The following MCF2L2 variants were observed in gnomAD, a reference collection of about 807,000 sequenced individuals.
The protein encoded by MCF2L2 is probable guanine nucleotide exchange factor MCF2L2.
In MCF2L2, 102 loss-of-function variants were observed where a neutral mutation model predicts 150.2. The ratio of observed to expected loss-of-function variants is 0.68; its 90% confidence interval spans 0.58 to 0.80. The LOEUF is 0.80. Ranked by LOEUF, MCF2L2 falls within the 30% of genes least tolerant of loss-of-function variation. The pLI is 0.00. For missense variants in MCF2L2, 1,256 were observed against 1,372.8 expected (o/e 0.91, Z 1.34); for synonymous variants, 465 against 491.3 (o/e 0.95, Z 0.71).
intron 2 of MCF2L2, among the ~76,000 whole-genome samples, chr3:183,385,750 C>T (rs1713792848): frequency 6.6e-6 from 1 of 152,228 alleles, no homozygotes; most frequent in South Asian, 2.1e-4. Flanking sequence ...TGACCACCGT[C>T]TCCTGTGGCA....
chr3:183,421,183 T>C (rs77641025), intron 1 of MCF2L2, among the ~76,000 whole-genome samples: 2,389 of 152,290 alleles, frequency 0.016, 70 homozygotes, highest in African/African-American at 0.054. Context: ...TTCAACATCA[T>C]TGAGCTTCTT....
chr3:183,420,758 G>A (rs1314727175), intron 1 of MCF2L2, among the ~76,000 whole-genome samples: 2 of 152,194 alleles, frequency 1.3e-5, no homozygotes, highest in Non-Finnish European at 2.9e-5. Context: ...CAGCAGGAGA[G>A]AGAGTGCTCA....
chr3:183,361,190 A>C (rs567778089), intron 3 of MCF2L2, among the ~76,000 whole-genome samples: 1 of 151,630 alleles, frequency 6.6e-6, no homozygotes, highest in South Asian at 2.1e-4. Flanking sequence ...GGAAGGAAGG[A>C]AACACATAAT....
intron 22 of MCF2L2, among the ~76,000 whole-genome samples, 181 bp from the exon 23 acceptor site, chr3:183,208,004 T>C (rs1368827317): frequency 6.6e-6 from 1 of 152,232 alleles, no homozygotes; most frequent in Non-Finnish European, 1.5e-5. Flanking sequence ...TCACTGAGCG[T>C]GGTGCCATTT....
intron 1 of MCF2L2, among the ~76,000 whole-genome samples, chr3:183,406,791 T>C (rs1715067296): frequency 6.6e-6 from 1 of 152,296 alleles, no homozygotes; most frequent in African/African-American, 2.4e-5. Context: ...ACCCAGCCTA[T>C]TCACAAATCT....
At position 183,361,833 on chromosome 3, in the gene MCF2L2, G is replaced by T. The variant is rs535870381; in HGVS notation, c.275+17464C>A. 4.6e-5 allele frequency among the ~76,000 whole-genome samples: 7 copies of T among 152,314 alleles called. 2 individuals are homozygous for T. The highest frequency in any genetic ancestry group is 1.7e-4 in the African/African-American group (7 of 41,570). On this transcript the variant is annotated intron_variant, in intron 3 of 29. Transcript: ENST00000328913. ...TGTTTATCAGTAGCATGTAAGTTCA[G>T]ATTCAAGAATAACAGTGATGCCAAA...
At chr3:183,272,452 A>G (rs1726859731) in intron 15 of MCF2L2, 3 of 999,968 alleles carry the variant, frequency 3.0e-6, no homozygotes, top group African/African-American at 3.5e-5. Context: ...AAGATTTCTC[A>G]GTATACACAA....
chr3:183,191,145 G>A (rs1233464638), intron 27 of MCF2L2, among the ~76,000 whole-genome samples: 1 of 152,106 alleles, frequency 6.6e-6, no homozygotes, highest in Non-Finnish European at 1.5e-5. Context: ...CAAAGTGCTG[G>A]GATTACAGGC....
intron 1 of MCF2L2, among the ~76,000 whole-genome samples, chr3:183,414,428 CCT>C (rs752277313): frequency 5.3e-5 from 8 of 151,972 alleles, no homozygotes; most frequent in African/African-American, 9.7e-5. Context: ...AGAAATGTCC[CCT>C]CTTTCATTCA....
chr3:183,339,648 T>G (rs1023479832), intron 4 of MCF2L2, among the ~76,000 whole-genome samples: 35 of 152,190 alleles, frequency 2.3e-4, no homozygotes, highest in African/African-American at 8.2e-4. Context: ...CAAGGCAAGA[T>G]TCTGAGCAGG....
chr3:183,267,133 C>T lies in MCF2L2; in HGVS notation c.1862+9739G>A, dbSNP rs1726223400. Among the ~76,000 whole-genome samples the T allele has an allele frequency of 1.3e-5, 2 of 152,094 alleles. No individual in the cohort carries two copies. The highest frequency in any genetic ancestry group is 2.9e-5 in the Non-Finnish European group (2 of 68,006). Reference sequence around the variant, plus strand: ...CACAGCAACACATTTCCCATTACACCCCTGAACACACACACACAGAAAACC... The same window carrying T: ...CACAGCAACACATTTCCCATTACACTCCTGAACACACACACACAGAAAACC... On this transcript the variant is annotated intron_variant, in intron 15 of 29. Transcript: ENST00000328913. The surrounding 1 kb of genome is among the most constrained non-coding windows in gnomAD (Gnocchi z 5.5).
intron 1 of MCF2L2, among the ~76,000 whole-genome samples, chr3:183,394,072 T>C (rs1714314029): frequency 6.6e-6 from 1 of 152,236 alleles, no homozygotes; most frequent in African/African-American, 2.4e-5. Flanking sequence ...AAGTATGGTC[T>C]GGAGCAGAGA....
chr3:183,252,825 C>T (rs912664634), intron 15 of MCF2L2, among the ~76,000 whole-genome samples: 1 of 152,158 alleles, frequency 6.6e-6, no homozygotes, highest in African/African-American at 2.4e-5. Flanking sequence ...AATATTATCT[C>T]CGTTAAATGT....
intron 1 of MCF2L2, among the ~76,000 whole-genome samples, chr3:183,420,320 G>A (rs1204342004): frequency 6.6e-6 from 1 of 152,244 alleles, no homozygotes; most frequent in Non-Finnish European, 1.5e-5. Flanking sequence ...GATACAACCT[G>A]GCCAGGTGCG....
chr3:183,422,544 C>T (rs1715936169), intron 1 of MCF2L2, among the ~76,000 whole-genome samples: 1 of 152,176 alleles, frequency 6.6e-6, no homozygotes, highest in South Asian at 2.1e-4. Context: ...TGGAAAGAAG[C>T]AGACCCTGAC....
chr3:183,366,917 G>T (rs1039220157), intron 3 of MCF2L2, among the ~76,000 whole-genome samples: 2 of 152,102 alleles, frequency 1.3e-5, no homozygotes, highest in African/African-American at 4.8e-5. Flanking sequence ...TGCAATAAAG[G>T]TATATGCCAC....
intron 1 of MCF2L2, among the ~76,000 whole-genome samples, chr3:183,395,825 G>C (rs1394653592): frequency 6.6e-6 from 1 of 150,416 alleles, no homozygotes; most frequent in Non-Finnish European, 1.5e-5. Context: ...GGCTGAGGCA[G>C]GAGAATTGCT....
intron 6 of MCF2L2, 28 bp from the exon 7 acceptor site, chr3:183,318,245 T>A: frequency 6.2e-7 from 1 of 1,613,580 alleles, no homozygotes; most frequent in African/African-American, 1.3e-5. Flanking sequence ...TGTAACAATA[T>A]GGAGAGATTA....
intron 1 of MCF2L2, among the ~76,000 whole-genome samples, chr3:183,398,543 A>T (rs991784687): frequency 2.6e-5 from 4 of 151,346 alleles, no homozygotes; most frequent in African/African-American, 4.8e-5. Flanking sequence ...CATATGTTAT[A>T]AATATAATAT....
Sources: allele counts gnomAD v4.1 joint callset (sites outside exome capture counted in the v4.1 genomes callset), GRCh38; gene constraint gnomAD v4.1.1; non-coding constraint Gnocchi (gnomAD v3.1); transcripts MANE v1.5; gene names NCBI Gene and HGNC (gene_info 2026-07-23, HGNC 2026-07-21).